Variants in RFTN1 observed in about 807,000 individuals in gnomAD.
RFTN1 encodes raftlin, lipid raft linker 1.
In RFTN1, 26 loss-of-function variants were observed where a neutral mutation model predicts 46.5. The ratio of observed to expected loss-of-function variants is 0.56; its 90% CI spans 0.41 to 0.78. The LOEUF (loss-of-function observed/expected upper bound fraction) is 0.78, where lower values mean the gene tolerates loss of function less well. Among genes scored for constraint, RFTN1 ranks in the 30% least tolerant of loss-of-function variants. RFTN1 has a pLI of 0.00. For missense variants in RFTN1, 693 were observed against 718.7 expected (o/e 0.96, Z 0.41); for synonymous variants, 261 against 284.2 (o/e 0.92, Z 0.82).
chr3:16,488,100 CT>C (rs11328637), intron 2 of RFTN1, among the ~76,000 whole-genome samples: 59,296 of 125,566 alleles, frequency 0.47, 13,073 homozygotes, highest in Non-Finnish European at 0.55. Context: ...GTGATCCTGA[CT>C]TTTTTTTTTT....
intron 1 of RFTN1, among the ~76,000 whole-genome samples, chr3:16,495,251 G>A (rs927799036): frequency 1.3e-5 from 2 of 152,210 alleles, no homozygotes; most frequent in Admixed American, 1.3e-4. Context: ...TATGTAAAAG[G>A]CTGCATATTT....
chr3:16,457,161 G>A lies in RFTN1; in HGVS notation c.146-23124C>T, dbSNP rs548601493. Among the ~76,000 whole-genome samples, 3 of 152,294 alleles carry A rather than the reference G, an allele frequency of 2.0e-5. No homozygotes were observed. Among genetic ancestry groups the A allele is most frequent in the South Asian group, 2.1e-4 (1 of 4,822 alleles). The stretch of plus-strand genomic sequence containing the variant: ...AGTACAGATGACTAACTGCTTCTAC[G>A]CAGAGCTGTGCAGCGTTTCTACCAA... On this transcript the variant is annotated intron_variant, in intron 2 of 9. Transcript: ENST00000334133. The surrounding 1 kb of genome is among the most constrained non-coding windows in gnomAD (Gnocchi z 4.2).
chr3:16,420,120 A>G (rs1010553615), intron 3 of RFTN1, among the ~76,000 whole-genome samples: 15 of 152,180 alleles, frequency 9.9e-5, no homozygotes, highest in African/African-American at 2.2e-4. Flanking sequence ...CAAGGAGTGC[A>G]CTGTTAACCG....
chr3:16,448,251 G>A lies in RFTN1; in HGVS notation c.146-14214C>T, dbSNP rs1441955981. On this transcript the variant is annotated intron_variant, in intron 2 of 9. Coordinates refer to ENST00000334133, the MANE Select transcript of RFTN1 (RefSeq NM_015150.2). The surrounding 1 kb of genome is among the most constrained non-coding windows in gnomAD (Gnocchi z 4.1). Reference sequence around the variant, plus strand: ...CTTGCCTGTTTTTATTTTTTAATGTGGTTACTAGAAAATTTTTCAATGGCA... The same window carrying A: ...CTTGCCTGTTTTTATTTTTTAATGTAGTTACTAGAAAATTTTTCAATGGCA... Among the ~76,000 whole-genome samples, 2 of 151,570 alleles carry A rather than the reference G, an allele frequency of 1.3e-5. No individual in the cohort carries two copies. The highest frequency in any genetic ancestry group is 2.4e-5 in the African/African-American group (1 of 41,298).
At position 16,348,890 on chromosome 3, in the gene RFTN1, A is replaced by G. The variant is rs530842814; in HGVS notation, c.1146+9042T>C. 6.6e-6 allele frequency among the ~76,000 whole-genome samples: 1 copy of G among 152,304 alleles called. No individual in the cohort carries two copies. The highest frequency in any genetic ancestry group is 1.9e-4 in the East Asian group (1 of 5,184). Reference sequence around the variant, plus strand: ...GTGTCCTGCCACTGCCACAATCCACACACATTTCAGAACACCCGAGCAAGT... The same window carrying G: ...GTGTCCTGCCACTGCCACAATCCACGCACATTTCAGAACACCCGAGCAAGT... On this transcript the variant is annotated intron_variant, in intron 7 of 9. Transcript: ENST00000334133. The surrounding 1 kb of genome is among the most constrained non-coding windows in gnomAD (Gnocchi z 6.3).
intron 4 of RFTN1, among the ~76,000 whole-genome samples, chr3:16,405,060 C>CATGA (rs1483803968): frequency 2.6e-5 from 4 of 152,160 alleles, no homozygotes; most frequent in Non-Finnish European, 5.9e-5. Context: ...TAGACGCTCT[C>CATGA]ATGAATGAAC....
intron 7 of RFTN1, among the ~76,000 whole-genome samples, chr3:16,331,573 C>T (rs929345632): frequency 2.6e-5 from 4 of 152,136 alleles, no homozygotes; most frequent in African/African-American, 9.7e-5. Flanking sequence ...CTGAACCCAT[C>T]ACTAATTTAT....
intron 3 of RFTN1, among the ~76,000 whole-genome samples, chr3:16,414,102 T>G (rs1575253625): frequency 6.6e-6 from 1 of 152,268 alleles, no homozygotes; most frequent in Non-Finnish European, 1.5e-5. Flanking sequence ...TTTTCACAGT[T>G]CATTACTCAT....
rs79912628 is a variant in RFTN1, at chr3:16,374,828, C to T, written c.826+2890G>A. ...TCCCCCAGACCAGGAAATAAGTCAGCGAGCAGGAAGAGGAACCCACGGCGG... is the reference window on the plus strand; with the variant it reads ...TCCCCCAGACCAGGAAATAAGTCAGTGAGCAGGAAGAGGAACCCACGGCGG... On this transcript the variant is annotated intron_variant, in intron 5 of 9. Transcript: ENST00000334133. This position sits in a 1 kb window ranked among gnomAD's most constrained non-coding sequence, Gnocchi z 5.4. Among the ~76,000 whole-genome samples, 6 of 152,116 alleles carry T rather than the reference C, an allele frequency of 3.9e-5. No homozygotes were observed. The highest frequency in any genetic ancestry group is 7.3e-5 in the Non-Finnish European group (5 of 68,038).
chr3:16,496,437 A>G (rs2076627349), intron 1 of RFTN1, among the ~76,000 whole-genome samples: 1 of 152,236 alleles, frequency 6.6e-6, no homozygotes, highest in Admixed American at 6.5e-5. Context: ...GCCCCAACAA[A>G]CACCCATGAG....
chr3:16,324,759 G>T (rs1469455482), intron 8 of RFTN1, among the ~76,000 whole-genome samples: 1 of 150,150 alleles, frequency 6.7e-6, no homozygotes, highest in Non-Finnish European at 1.5e-5. Context: ...TTTCTTAGCT[G>T]TTGTGAATAA....
At chr3:16,401,619 T>G (rs1045379265) in intron 4 of RFTN1, among the ~76,000 whole-genome samples, 1 of 152,210 alleles carries the variant, frequency 6.6e-6, no homozygotes, top group Non-Finnish European at 1.5e-5. Context: ...CTTGGAAAAG[T>G]GCTATTTTTC....
At chr3:16,434,082 C>A in intron 2 of RFTN1, 45 bp from the exon 3 acceptor site, 1 of 1,479,942 alleles carries the variant, frequency 6.8e-7, no homozygotes, top group Non-Finnish European at 9.0e-7. Context: ...CATCACAACG[C>A]CCACTCAGCC....
chr3:16,393,814 A>G (rs1051425461), intron 4 of RFTN1, among the ~76,000 whole-genome samples: 1 of 151,930 alleles, frequency 6.6e-6, no homozygotes, highest in Admixed American at 6.6e-5. Flanking sequence ...GCCCGCCACC[A>G]TACCCGGCTA....
At chr3:16,377,072 T>C (rs1324926772) in intron 5 of RFTN1, among the ~76,000 whole-genome samples, 3 of 151,780 alleles carry the variant, frequency 2.0e-5, no homozygotes, top group Non-Finnish European at 4.4e-5. Flanking sequence ...AAGGGGGAAA[T>C]ATGGATGGTT....
chr3:16,326,188 G>A (rs933291311), intron 8 of RFTN1, among the ~76,000 whole-genome samples: 9 of 152,224 alleles, frequency 5.9e-5, no homozygotes, highest in East Asian at 1.9e-4. Context: ...TCAAGGGAGC[G>A]TAAGCAGAGC....
intron 2 of RFTN1, among the ~76,000 whole-genome samples, chr3:16,467,960 C>T (rs944919096): frequency 4.6e-5 from 7 of 152,130 alleles, no homozygotes; most frequent in South Asian, 4.1e-4. Context: ...GAAGCAGGCT[C>T]GCTCTTACTA....
intron 8 of RFTN1, among the ~76,000 whole-genome samples, chr3:16,325,210 C>T (rs929782577): frequency 3.3e-5 from 5 of 152,164 alleles, no homozygotes; most frequent in African/African-American, 7.2e-5. Flanking sequence ...CAATGCTCCA[C>T]GGAATCCAAC....
chr3:16,466,211 A>G lies in RFTN1; in HGVS notation c.145+27514T>C, dbSNP rs2076088347. Among the ~76,000 whole-genome samples, 1 of 152,234 alleles carries G rather than the reference A, an allele frequency of 6.6e-6. No individual in the cohort carries two copies. The highest frequency in any genetic ancestry group is 6.5e-5 in the Admixed American group (1 of 15,286). On this transcript the variant is annotated intron_variant, in intron 2 of 9. Coordinates refer to ENST00000334133, the MANE Select transcript of RFTN1 (RefSeq NM_015150.2). This position sits in a 1 kb window ranked among gnomAD's most constrained non-coding sequence, Gnocchi z 5.6. ...GCCTAGCACGTCCTGCTCTTGCAAC[A>G]AAGAACACTTTTAACTTGCATCGTC...
Sources: gnomAD v4.1 joint callset for allele counts (sites outside exome capture counted in the v4.1 genomes callset) on GRCh38, gnomAD v4.1.1 for gene constraint, Gnocchi (gnomAD v3.1) non-coding constraint, MANE v1.5 for transcripts, NCBI Gene and HGNC (gene_info 2026-07-23, HGNC 2026-07-21) for gene names.